SBF2: variants seen among roughly 807,000 people sequenced by gnomAD.
SBF2 encodes myotubularin-related protein 13.
Under a neutral mutation model 225.2 loss-of-function variants are expected in SBF2, and 112 were observed. That is an observed-to-expected ratio of 0.50 (90% CI 0.43 to 0.58). The LOEUF (loss-of-function observed/expected upper bound fraction) is 0.58, where lower values mean the gene tolerates loss of function less well. SBF2 is among the 20% of genes least tolerant of loss of function. The pLI is 0.00. For missense variants in SBF2, 1,996 were observed against 2,206.2 expected (o/e 0.90, Z 1.91); for synonymous variants, 763 against 773.3 (o/e 0.99, Z 0.22).
intron 2 of SBF2, among the ~76,000 whole-genome samples, chr11:10,175,140 G>C (rs1484120387): frequency 3.4e-5 from 5 of 149,056 alleles, no homozygotes; most frequent in Admixed American, 6.7e-5. Context: ...CATAATGACA[G>C]GATCAAATTC....
At chr11:9,784,512 G>GTTGT (rs1468452588) in intron 37 of SBF2, 74 bp from the exon 38 acceptor site, 3 of 1,178,958 alleles carry the variant, frequency 2.5e-6, no homozygotes, top group Non-Finnish European at 3.8e-6. Flanking sequence ...GGGGATATCT[G>GTTGT]TTGTTTTTGT....
At chr11:10,058,523 A>G (rs948327273) in intron 2 of SBF2, among the ~76,000 whole-genome samples, 2 of 152,226 alleles carry the variant, frequency 1.3e-5, no homozygotes, top group African/African-American at 4.8e-5. Flanking sequence ...TTATGTAAAC[A>G]GAAATCTATG....
At chr11:10,249,383 T>TTG in intron 1 of SBF2, among the ~76,000 whole-genome samples, 1 of 152,258 alleles carries the variant, frequency 6.6e-6, no homozygotes, top group South Asian at 2.1e-4. Flanking sequence ...GAAATATGGC[T>TTG]TTCTCGAACA....
At chr11:10,098,644 A>G (rs1049645157) in intron 2 of SBF2, among the ~76,000 whole-genome samples, 10 of 151,134 alleles carry the variant, frequency 6.6e-5, no homozygotes, top group African/African-American at 7.3e-5. Flanking sequence ...GAAAAACAAT[A>G]TATCAACAAA....
chr11:9,913,083 A>G (rs550407868), intron 16 of SBF2, among the ~76,000 whole-genome samples: 5 of 152,306 alleles, frequency 3.3e-5, no homozygotes, highest in African/African-American at 1.2e-4. Flanking sequence ...CAGGAGTTCA[A>G]GACCAGCCTG....
intron 2 of SBF2, among the ~76,000 whole-genome samples, chr11:10,115,686 C>T (rs549793982): frequency 3.3e-5 from 5 of 152,260 alleles, no homozygotes; most frequent in South Asian, 2.1e-4. Flanking sequence ...TCCTAATCTA[C>T]GAGACACATA....
At chr11:9,992,364 A>C (rs183871018) in intron 12 of SBF2, 51 bp downstream of exon 12, 2 of 1,480,714 alleles carry the variant, frequency 1.4e-6, no homozygotes, top group Non-Finnish European at 1.9e-6. Context: ...ACTTTTAACT[A>C]CTAGTCTAAT....
chr11:9,885,270 A>C (rs1358435628), intron 17 of SBF2, among the ~76,000 whole-genome samples: 2 of 150,102 alleles, frequency 1.3e-5, no homozygotes, highest in Non-Finnish European at 3.0e-5. Context: ...AAAAAAAAAA[A>C]AAAAAACCCC....
In SBF2 at chr11:10,094,528, A is replaced by ATTTTTT. The variant is rs60485793; in HGVS notation, c.142-51553_142-51548dup. ...TTTTCCCTACTACAAATACACACAG[A>ATTTTTT]TTTTTTTTTTTTTTTTTTGAGACAG... On this transcript the variant is annotated intron_variant, in intron 2 of 39. Coordinates refer to ENST00000256190, the MANE Select transcript of SBF2 (RefSeq NM_030962.4). Among the ~76,000 whole-genome samples, 194 of 107,262 alleles carry ATTTTTT rather than the reference A, an allele frequency of 1.8e-3. 7 individuals carry two copies. The highest frequency in any genetic ancestry group is 6.0e-3 in the African/African-American group (181 of 30,292). 70.4% of individuals were successfully genotyped at this position (107,262 alleles called of 152,430 possible). A position where few individuals can be genotyped will look rare whatever the true frequency, so the allele number is the denominator to read the frequency against.
chr11:10,213,027 G>A lies in SBF2; in HGVS notation c.56-19040C>T, dbSNP rs573512787. On this transcript the variant is annotated intron_variant, in intron 1 of 39. Coordinates refer to ENST00000256190, the MANE Select transcript of SBF2 (RefSeq NM_030962.4). ...TCTCACCACTGCACTTCAGTTTGGC[G>A]ACAGAGCAAGACTCTGTCTCAAAAA... Among the ~76,000 whole-genome samples, 4 of 150,442 alleles carry A rather than the reference G, an allele frequency of 2.7e-5. 1 individual carries two copies. Among genetic ancestry groups the A allele is most frequent in the South Asian group, 2.1e-4 (1 of 4,768 alleles).
rs1456258269 is a variant in SBF2, at chr11:9,851,148, A to C, written c.2611-930T>G. 1.7e-4 allele frequency among the ~76,000 whole-genome samples: 21 copies of C among 125,666 alleles called. 1 individual carries two copies. The highest frequency in any genetic ancestry group is 4.7e-4 in the African/African-American group (17 of 36,030). The allele number at this position is 125,666 out of a possible 152,430, so 82.4% of individuals were successfully genotyped here. A position where few individuals can be genotyped will look rare whatever the true frequency, so the allele number is the denominator to read the frequency against. On this transcript the variant is annotated intron_variant, in intron 21 of 39. Coordinates refer to ENST00000256190, the MANE Select transcript of SBF2 (RefSeq NM_030962.4). ...AAGACTCCATCTCAAAAAAAAAAAA[A>C]ACAACAACAAAAAAAAACCCAGAAT... is the stretch of plus-strand genomic sequence containing the variant.
chr11:9,853,730 A>T lies in SBF2; in HGVS notation c.2364-18T>A. On this transcript the variant is annotated intron_variant, in intron 19 of 39. Coordinates refer to ENST00000256190, the MANE Select transcript of SBF2 (RefSeq NM_030962.4). ...CTGCAATACTAAGACAGTCAAGGAA[A>T]GAAATCATGGTCAGTACTTAAATGC... 1 of 1,612,466 alleles carries T rather than the reference A, an allele frequency of 6.2e-7. No individual in the cohort carries two copies. The highest frequency in any genetic ancestry group is 1.1e-5 in the South Asian group (1 of 91,046).
chr11:9,867,372 A>T (rs1436987350), intron 17 of SBF2, among the ~76,000 whole-genome samples: 1 of 151,924 alleles, frequency 6.6e-6, no homozygotes, highest in East Asian at 1.9e-4. Context: ...TGGCTATTAT[A>T]AAAAAAAGAA....
At chr11:9,866,886 G>GCAAA (rs1034033049) in intron 17 of SBF2, among the ~76,000 whole-genome samples, 5 of 151,950 alleles carry the variant, frequency 3.3e-5, no homozygotes, top group East Asian at 1.9e-4. Context: ...CAACTCAATA[G>GCAAA]CAAACAAACA....
intron 1 of SBF2, among the ~76,000 whole-genome samples, chr11:10,210,358 GGAGGAGGAGGGA>G (rs1001791022): frequency 7.9e-5 from 12 of 151,748 alleles, no homozygotes; most frequent in African/African-American, 2.9e-4. Context: ...GAGGAAGAAA[GGAGGAGGAGGGA>G]GAGGAGGAGG....
chr11:10,193,303 G>T (rs1441328666), intron 2 of SBF2, among the ~76,000 whole-genome samples: 1 of 149,796 alleles, frequency 6.7e-6, no homozygotes, highest in Non-Finnish European at 1.5e-5. Context: ...TACTAAAGAA[G>T]CAGTGGAATT....
intron 24 of SBF2, among the ~76,000 whole-genome samples, chr11:9,844,994 A>T (rs1245305297): frequency 2.6e-5 from 4 of 152,334 alleles, no homozygotes; most frequent in African/African-American, 9.6e-5. Context: ...GTACTTAAGG[A>T]TAAAGGGACA....
At chr11:9,969,472 C>T (rs900409481) in intron 13 of SBF2, among the ~76,000 whole-genome samples, 3 of 152,192 alleles carry the variant, frequency 2.0e-5, no homozygotes, top group African/African-American at 7.2e-5. Context: ...CAACACCCTA[C>T]AAGATCTGGC....
chr11:10,238,953 C>T (rs980651382), intron 1 of SBF2, among the ~76,000 whole-genome samples: 1 of 150,296 alleles, frequency 6.7e-6, no homozygotes, highest in African/African-American at 2.4e-5. Flanking sequence ...TAATAGTGGA[C>T]GATGTTAACG....
Sources: gnomAD v4.1 joint callset for allele counts (sites outside exome capture counted in the v4.1 genomes callset) on GRCh38, gnomAD v4.1.1 for gene constraint, MANE v1.5 for transcripts, NCBI Gene and HGNC (gene_info 2026-07-23, HGNC 2026-07-21) for gene names.